Variants in LRP6 observed in about 807,000 individuals in gnomAD.
LRP6 encodes LDL receptor related protein 6.
In LRP6, 43 loss-of-function variants were observed where a neutral mutation model predicts 184.1. The observed-to-expected ratio is 0.23, with a 90% CI of 0.18 to 0.30. The LOEUF (loss-of-function observed/expected upper bound fraction) is 0.30, where lower values mean the gene tolerates loss of function less well. Ranked by LOEUF, LRP6 falls within the 10% of genes least tolerant of loss-of-function variation. The probability of loss-of-function intolerance (pLI) is 1.00; values close to 1 mark genes in which losing one functional copy is unlikely to be tolerated. For synonymous variants in LRP6, 719 were observed against 684.9 expected, an observed-to-expected ratio of 1.05 and a Z score of -0.78; for missense variants, 1,571 against 2,005.3, an observed-to-expected ratio of 0.78 and a Z score of 4.14.
intron 3 of LRP6, among the ~76,000 whole-genome samples, chr12:12,193,237 T>C (rs2137018789): frequency 1.3e-5 from 2 of 152,002 alleles, no homozygotes; most frequent in South Asian, 2.1e-4. Flanking sequence ...TGGAAACGTA[T>C]ATAGAATACT....
At chr12:12,246,671 C>CAA (rs1214105103) in intron 1 of LRP6, among the ~76,000 whole-genome samples, 27 of 117,390 alleles carry the variant, frequency 2.3e-4, no homozygotes, top group African/African-American at 4.8e-4. Flanking sequence ...GACCCTGTCT[C>CAA]AAAAAAAAAA....
At chr12:12,168,963 TCA>T (rs1016337609) in intron 7 of LRP6, among the ~76,000 whole-genome samples, 112 of 152,276 alleles carry the variant, frequency 7.4e-4, no homozygotes, top group African/African-American at 2.6e-3. Flanking sequence ...GCGCAGTGGT[TCA>T]CACCTGTAAT....
chr12:12,266,542 T>TCCC, intron 1 of LRP6, 139 bp downstream of exon 1: 1 of 760,614 alleles, frequency 1.3e-6, no homozygotes, highest in Non-Finnish European at 2.2e-6. Context: ...CCCCTTTCTC[T>TCCC]CCCCCTCCCC....
intron 2 of LRP6, among the ~76,000 whole-genome samples, chr12:12,208,782 G>T (rs1864131361): frequency 6.6e-6 from 1 of 152,188 alleles, no homozygotes; most frequent in East Asian, 1.9e-4. Context: ...AGTACAAAAG[G>T]TTAATAACCT....
intron 15 of LRP6, among the ~76,000 whole-genome samples, chr12:12,144,014 T>C (rs1363612147): frequency 6.6e-6 from 1 of 152,180 alleles, no homozygotes; most frequent in Non-Finnish European, 1.5e-5. Flanking sequence ...ACATAAAAGA[T>C]GTTAACCGTA....
intron 1 of LRP6, among the ~76,000 whole-genome samples, chr12:12,266,314 C>T (rs1180396755): frequency 6.6e-6 from 1 of 152,166 alleles, no homozygotes; most frequent in African/African-American, 2.4e-5. Flanking sequence ...CGGACTCAAA[C>T]ATTTTAAAAG....
chr12:12,159,178 CAG>C (rs752268997), intron 11 of LRP6, 23 bp from the exon 12 acceptor site: 31 of 1,578,046 alleles, frequency 2.0e-5, no homozygotes, highest in Non-Finnish European at 2.4e-5. Flanking sequence ...AGGCAGTAGA[CAG>C]GGGAGAAGCA....
At chr12:12,260,070 G>T (rs537444002) in intron 1 of LRP6, among the ~76,000 whole-genome samples, 1 of 152,208 alleles carries the variant, frequency 6.6e-6, no homozygotes, top group East Asian at 1.9e-4. Flanking sequence ...AAATAGTTAT[G>T]GCTGCAATCC....
chr12:12,240,429 A>T (rs904748342), intron 2 of LRP6, among the ~76,000 whole-genome samples: 1 of 152,054 alleles, frequency 6.6e-6, no homozygotes, highest in Non-Finnish European at 1.5e-5. Context: ...AAAATTAGCT[A>T]GGCAAAGTGG....
rs563210255 is a variant in LRP6 at position 12,244,731 on chromosome 12, G to T, written c.56-76C>A. 1.1e-5 allele frequency: 15 copies of T among 1,417,784 alleles called. No homozygotes were observed. The South Asian group carries it at 1.7e-4, about 16-fold the overall frequency. The allele number at this position is 1,417,784 out of a possible 1,614,324, so 87.8% of individuals were successfully genotyped here. ...GTTCTTATAAACTGCGTTTCAAATC[G>T]GTTTAAGTGAGCAAAGACTGTCGAA... On this transcript the variant is annotated intron_variant, in intron 1 of 22. Coordinates refer to ENST00000261349, the MANE Select transcript of LRP6 (RefSeq NM_002336.3).
intron 2 of LRP6, among the ~76,000 whole-genome samples, chr12:12,204,413 T>G (rs1403455010): frequency 6.6e-6 from 1 of 151,574 alleles, no homozygotes; most frequent in Non-Finnish European, 1.5e-5. Context: ...CTATGATCAC[T>G]GGGGAGAAAA....
At chr12:12,149,307 TA>T (rs952319181) in intron 13 of LRP6, among the ~76,000 whole-genome samples, 154 bp from the exon 14 acceptor site, 1 of 152,140 alleles carries the variant, frequency 6.6e-6, no homozygotes, top group Non-Finnish European at 1.5e-5. Flanking sequence ...TTTTTATGGG[TA>T]ATGTGCTTCT....
At chr12:12,203,548 C>T (rs904701891) in intron 2 of LRP6, 148 bp from the exon 3 acceptor site, 11 of 686,700 alleles carry the variant, frequency 1.6e-5, no homozygotes, top group African/African-American at 5.4e-5. Context: ...AGGCAAATGA[C>T]GAAGTCAAGA....
chr12:12,131,096 C>CTTTTTTTTTT (rs1949746766), intron 18 of LRP6, among the ~76,000 whole-genome samples: 5 of 105,348 alleles, frequency 4.7e-5, no homozygotes, highest in African/African-American at 1.7e-4. Context: ...AATTTCCTAA[C>CTTTTTTTTTT]ATTTTTTTTT....
intron 5 of LRP6, among the ~76,000 whole-genome samples, chr12:12,182,858 T>C (rs1163348553): frequency 6.6e-6 from 1 of 152,212 alleles, no homozygotes; most frequent in Non-Finnish European, 1.5e-5. Flanking sequence ...GGCTACTACA[T>C]GCCAAATGCA....
At chr12:12,232,932 A>T (rs1054421607) in intron 2 of LRP6, among the ~76,000 whole-genome samples, 1 of 152,326 alleles carries the variant, frequency 6.6e-6, no homozygotes, top group Middle Eastern at 3.4e-3. Flanking sequence ...ACCAAATATT[A>T]TAACAAAAGA....
intron 17 of LRP6, among the ~76,000 whole-genome samples, chr12:12,134,267 T>G (rs185634846): frequency 7.9e-5 from 12 of 152,312 alleles, no homozygotes; most frequent in African/African-American, 2.6e-4. Context: ...AACTTCATGA[T>G]TATAACATTT....
In LRP6 at chr12:12,119,989, A is replaced by AAC. The variant is rs1256727603; in HGVS notation, c.*1136_*1137insGT. Reference sequence around the variant, plus strand: ...TACTCAGAAAACAAACAAACAAACAAAATATATATATATATATATATATAT... The same window carrying AAC: ...TACTCAGAAAACAAACAAACAAACAAACAATATATATATATATATATATATAT... On this transcript the variant is annotated 3_prime_UTR_variant, in exon 23 of 23. Transcript: ENST00000261349. 7.9e-4 allele frequency: 82 copies of AAC among 103,950 alleles called. 4 individuals carry two copies. Among genetic ancestry groups the AAC allele is most frequent in the South Asian group, 9.6e-4 (3 of 3,114 alleles). 6.4% of individuals were successfully genotyped at this position (103,950 alleles called of 1,614,324 possible).
chr12:12,250,776 C>A (rs11054744), intron 1 of LRP6, among the ~76,000 whole-genome samples: 62,144 of 151,424 alleles, frequency 0.41, 15,440 homozygotes, highest in East Asian at 0.76. Flanking sequence ...GCGCCCAACA[C>A]CACACCCGGC....
Sources: allele counts gnomAD v4.1 joint callset (sites outside exome capture counted in the v4.1 genomes callset), GRCh38; gene constraint gnomAD v4.1.1; transcripts MANE v1.5; gene names NCBI Gene and HGNC (gene_info 2026-07-23, HGNC 2026-07-21).